The following STUM variants were observed in gnomAD, a reference collection of about 807,000 sequenced individuals.
The protein encoded by STUM is protein stum homolog.
STUM carries 8 observed loss-of-function variants against 15.3 expected under a neutral mutation model. That is an observed-to-expected ratio of 0.52 (90% CI 0.31 to 0.94). The LOEUF is 0.94. Ranked by LOEUF, STUM falls within the 40% of genes least tolerant of loss-of-function variation. The pLI is 0.05. For synonymous variants in STUM, 78 were observed against 88.7 expected (o/e 0.88, Z 0.68); for missense variants, 142 against 204.9 (o/e 0.69, Z 1.87).
At chr1:226,599,105 C>A (rs1335790580) in intron 2 of STUM, among the ~76,000 whole-genome samples, 1 of 152,098 alleles carries the variant, frequency 6.6e-6, no homozygotes, top group Non-Finnish European at 1.5e-5. Flanking sequence ...CAGGAAACAC[C>A]CATCCCCATA....
At chr1:226,598,803 C>G (rs1273935626) in intron 2 of STUM, among the ~76,000 whole-genome samples, 1 of 152,240 alleles carries the variant, frequency 6.6e-6, no homozygotes. Context: ...TGTCTGCACA[C>G]TGTTTCCAGG....
rs1439397807 is a variant in STUM, at chr1:226,609,160, C to T, written c.*7120C>T. On this transcript the variant is annotated 3_prime_UTR_variant, in exon 4 of 4. Transcript: ENST00000366788. ...ATCCTTGGAAATACGGCTTTGGAAA[C>T]CTTTTTCTTCCTTTCCCTCTTTTCT... The T allele has an allele frequency of 6.6e-6, 1 of 152,046 alleles. No individual in the cohort carries two copies. The highest frequency in any genetic ancestry group is 2.4e-5 in the African/African-American group (1 of 41,380). 9.4% of individuals were successfully genotyped at this position (152,046 alleles called of 1,614,324 possible).
rs760619030 is a variant in STUM, at chr1:226,567,507, C to T, written c.202+18401C>T. Among the ~76,000 whole-genome samples the T allele has an allele frequency of 3.3e-5, 5 of 152,100 alleles. No individual in the cohort carries two copies. The highest frequency in any genetic ancestry group is 4.8e-5 in the African/African-American group (2 of 41,408). ...TTTAATGAGAAGAGGTAGATGGTCC[C>T]GATGGCCCTAAACAGCATCATTTTT... On this transcript the variant is annotated intron_variant, in intron 1 of 3. Transcript: ENST00000366788. This position sits in a 1 kb window ranked among gnomAD's most constrained non-coding sequence, Gnocchi z 4.5.
At chr1:226,601,239 G>T (rs181541350) in intron 3 of STUM, among the ~76,000 whole-genome samples, 4 of 152,142 alleles carry the variant, frequency 2.6e-5, no homozygotes, top group Admixed American at 2.6e-4. Context: ...CGATTCTCCT[G>T]CCTCAGCCTC....
chr1:226,575,801 G>A (rs543613896), intron 1 of STUM, among the ~76,000 whole-genome samples: 16 of 152,324 alleles, frequency 1.1e-4, no homozygotes, highest in South Asian at 2.1e-4. Flanking sequence ...GCAACTGCAC[G>A]CCAATAGATA....
At chr1:226,585,131 C>T (rs1667976590) in intron 1 of STUM, among the ~76,000 whole-genome samples, 1 of 152,182 alleles carries the variant, frequency 6.6e-6, no homozygotes, top group Admixed American at 6.5e-5. Context: ...TAGCCTCAGG[C>T]TTCATGAGGC....
chr1:226,565,333 G>A lies in STUM; in HGVS notation c.202+16227G>A, dbSNP rs2102691216. On this transcript the variant is annotated intron_variant, in intron 1 of 3. Transcript: ENST00000366788. The surrounding 1 kb of genome is among the most constrained non-coding windows in gnomAD (Gnocchi z 4.4). ...TGTATAGTTCCTTCATGAAGACCCT[G>A]GGGGTGGGAGCCTTTGCTTCCTGCT... Among the ~76,000 whole-genome samples the A allele has an allele frequency of 6.6e-6, 1 of 152,192 alleles. No homozygotes were observed. Among genetic ancestry groups the A allele is most frequent in the Non-Finnish European group, 1.5e-5 (1 of 68,016 alleles).
intron 1 of STUM, among the ~76,000 whole-genome samples, chr1:226,580,824 T>A (rs1178899864): frequency 1.3e-5 from 2 of 152,224 alleles, no homozygotes; most frequent in African/African-American, 4.8e-5. Context: ...CAGTGTCTGG[T>A]GGATCTGTAG....
intron 1 of STUM, among the ~76,000 whole-genome samples, chr1:226,585,986 A>G (rs1050199691): frequency 1.4e-5 from 1 of 69,518 alleles, no homozygotes; most frequent in Non-Finnish European, 2.7e-5. Flanking sequence ...CATGGTGGGG[A>G]GGGAGAGAGA....
intron 1 of STUM, among the ~76,000 whole-genome samples, chr1:226,589,733 C>CGCAGGAACAGCATGG (rs1300693003): frequency 1.3e-5 from 2 of 152,156 alleles, no homozygotes; most frequent in East Asian, 3.9e-4. Context: ...GAACAGCATG[C>CGCAGGAACAGCATGG]GCAGGGCCAG....
At chr1:226,555,614 C>T (rs1016498011) in intron 1 of STUM, among the ~76,000 whole-genome samples, 1 of 152,348 alleles carries the variant, frequency 6.6e-6, no homozygotes, top group South Asian at 2.1e-4. Context: ...CAAGCCTCCA[C>T]GTTCTCCTGT....
chr1:226,556,553 G>A (rs1667448952), intron 1 of STUM, among the ~76,000 whole-genome samples: 1 of 152,136 alleles, frequency 6.6e-6, no homozygotes, highest in Non-Finnish European at 1.5e-5. Context: ...TAAATTAAGT[G>A]CCGTTTCGAG....
chr1:226,579,052 G>A (rs1048737048), intron 1 of STUM, among the ~76,000 whole-genome samples: 1 of 152,100 alleles, frequency 6.6e-6, no homozygotes, highest in African/African-American at 2.4e-5. Flanking sequence ...ATTTGATCAG[G>A]TTCATGATGC....
intron 1 of STUM, among the ~76,000 whole-genome samples, chr1:226,566,652 A>T (rs1473977758): frequency 6.6e-6 from 1 of 152,202 alleles, no homozygotes; most frequent in Non-Finnish European, 1.5e-5. Context: ...ATAGAAAAAA[A>T]TCAAACTTTG....
chr1:226,579,820 A>C (rs1454358138), intron 1 of STUM, among the ~76,000 whole-genome samples: 1 of 151,854 alleles, frequency 6.6e-6, no homozygotes, highest in Non-Finnish European at 1.5e-5. Flanking sequence ...TTTTTTGTAG[A>C]GATGGAGCCT....
intron 1 of STUM, among the ~76,000 whole-genome samples, chr1:226,589,116 C>G (rs1668044388): frequency 6.6e-6 from 1 of 152,218 alleles, no homozygotes; most frequent in Non-Finnish European, 1.5e-5. Context: ...CGGAAGACAG[C>G]TCTGCCTTTC....
chr1:226,565,031 C>T lies in STUM; in HGVS notation c.202+15925C>T, dbSNP rs1291776590. On this transcript the variant is annotated intron_variant, in intron 1 of 3. Transcript: ENST00000366788. The surrounding 1 kb of genome is among the most constrained non-coding windows in gnomAD (Gnocchi z 4.4). ...GGCCGACCTCTACGGCCTGCATCAC[C>T]AGTCCCCTTGCCCTCGAGCTTCCAG... Among the ~76,000 whole-genome samples the T allele has an allele frequency of 6.6e-6, 1 of 152,222 alleles. No individual in the cohort carries two copies. Among genetic ancestry groups the T allele is most frequent in the Non-Finnish European group, 1.5e-5 (1 of 68,040 alleles).
intron 2 of STUM, 58 bp downstream of exon 2, chr1:226,597,039 G>T: frequency 6.6e-7 from 1 of 1,525,528 alleles, no homozygotes; most frequent in Non-Finnish European, 9.1e-7. Flanking sequence ...GGACAGGAAG[G>T]GCTTGGGAGA....
At chr1:226,551,817 A>G (rs534254148) in intron 1 of STUM, among the ~76,000 whole-genome samples, 3 of 152,310 alleles carry the variant, frequency 2.0e-5, no homozygotes, top group South Asian at 4.1e-4. Context: ...AGAGTGTTGT[A>G]GCAGAAATTC....
Sources: gnomAD v4.1 joint callset for allele counts (sites outside exome capture counted in the v4.1 genomes callset) on GRCh38, gnomAD v4.1.1 for gene constraint, Gnocchi (gnomAD v3.1) non-coding constraint, MANE v1.5 for transcripts, NCBI Gene and HGNC (gene_info 2026-07-23, HGNC 2026-07-21) for gene names.